Variants in CDH13 observed in about 807,000 individuals in gnomAD.
The protein encoded by CDH13 is cadherin-13.
In CDH13, 24 loss-of-function variants were observed where a neutral mutation model predicts 63.8. That is an observed-to-expected ratio of 0.38 (90% CI 0.27 to 0.53). CDH13 has a LOEUF of 0.53. Among genes scored for constraint, CDH13 ranks in the 20% least tolerant of loss-of-function variants. CDH13 has a pLI of 0.85. For synonymous variants in CDH13, 503 were observed against 355.3 expected (o/e 1.42, Z -4.67); for missense variants, 1,049 against 903.1 (o/e 1.16, Z -2.07).
intron 1 of CDH13, among the ~76,000 whole-genome samples, chr16:82,630,344 C>A (rs1352653089): frequency 6.6e-6 from 1 of 151,918 alleles, no homozygotes. Flanking sequence ...TTTTTTTTAG[C>A]AAGTCCCAAA....
chr16:83,706,197 T>C lies in CDH13; in HGVS notation c.1538+27736T>C, dbSNP rs190158807. On this transcript the variant is annotated intron_variant, in intron 10 of 13. Transcript: ENST00000567109. The stretch of plus-strand genomic sequence containing the variant: ...TCAGCCAGAACATCTACTTGTGGCC[T>C]CTCCACGAGGCCTGGGCTCTCTCAC... 5.3e-5 allele frequency among the ~76,000 whole-genome samples: 8 copies of C among 152,264 alleles called. No individual in the cohort carries two copies. In the East Asian group the frequency reaches 1.5e-3, roughly 29 times the overall value.
At chr16:82,917,223 TGTGGAGCC>T (rs1294656110) in intron 2 of CDH13, among the ~76,000 whole-genome samples, 1 of 152,180 alleles carries the variant, frequency 6.6e-6, no homozygotes, top group African/African-American at 2.4e-5. Context: ...TAGCAGGTCC[TGTGGAGCC>T]GATGGGGCAG....
intron 2 of CDH13, among the ~76,000 whole-genome samples, chr16:82,982,248 A>AG (rs1423278913): frequency 1.3e-5 from 2 of 152,116 alleles, no homozygotes; most frequent in Admixed American, 6.5e-5. Context: ...TTATTTTATA[A>AG]ATAATACTTA....
At chr16:83,676,623 T>G (rs2150867839) in intron 9 of CDH13, among the ~76,000 whole-genome samples, 1 of 152,348 alleles carries the variant, frequency 6.6e-6, no homozygotes, top group South Asian at 2.1e-4. Flanking sequence ...GACACATCAC[T>G]GTGCAGCCAC....
chr16:83,683,512 G>T (rs181655449), intron 10 of CDH13, among the ~76,000 whole-genome samples: 3 of 152,058 alleles, frequency 2.0e-5, no homozygotes, highest in Non-Finnish European at 4.4e-5. Context: ...TTATTTCCCA[G>T]TATACGCTGA....
chr16:83,043,525 GTGTA>G (rs910423791), intron 3 of CDH13, among the ~76,000 whole-genome samples: 2 of 148,710 alleles, frequency 1.3e-5, no homozygotes, highest in Non-Finnish European at 3.0e-5. Context: ...GTGTGTGTGT[GTGTA>G]TGTATAACAG....
chr16:83,029,454 A>G (rs1597174912), intron 2 of CDH13, among the ~76,000 whole-genome samples: 1 of 152,332 alleles, frequency 6.6e-6, no homozygotes, highest in East Asian at 1.9e-4. Context: ...ATACAGCCAC[A>G]TAATGGAATA....
rs558697081 is a variant in CDH13 at position 82,716,894 on chromosome 16, C to T, written c.45+89757C>T. On this transcript the variant is annotated intron_variant, in intron 1 of 13. Transcript: ENST00000567109. ...TACACGGGTCCGTCGTAAGATGCACCTCTAGGGCTCATTCCTTCTTCAAGT... is the reference window on the plus strand; with the variant it reads ...TACACGGGTCCGTCGTAAGATGCACTTCTAGGGCTCATTCCTTCTTCAAGT... 2.0e-5 allele frequency among the ~76,000 whole-genome samples: 3 copies of T among 151,968 alleles called. 1 individual carries two copies. The highest frequency in any genetic ancestry group is 4.2e-4 in the South Asian group (2 of 4,792).
At chr16:83,745,521 G>A (rs919506843) in intron 10 of CDH13, among the ~76,000 whole-genome samples, 1 of 152,186 alleles carries the variant, frequency 6.6e-6, no homozygotes, top group African/African-American at 2.4e-5. Context: ...CTGGATGGTG[G>A]CCAGGCGAGG....
intron 7 of CDH13, among the ~76,000 whole-genome samples, chr16:83,508,914 A>G (rs1206424012): frequency 2.6e-5 from 4 of 152,190 alleles, no homozygotes; most frequent in African/African-American, 9.7e-5. Flanking sequence ...ATCTGTTTGT[A>G]CTTTCTCATG....
intron 11 of CDH13, among the ~76,000 whole-genome samples, chr16:83,752,216 T>C (rs1913146902): frequency 6.6e-6 from 1 of 152,242 alleles, no homozygotes; most frequent in South Asian, 2.1e-4. Context: ...GTAGCATGGC[T>C]GGCATTTCTT....
intron 2 of CDH13, among the ~76,000 whole-genome samples, chr16:82,984,640 G>A (rs141727450): frequency 6.6e-6 from 1 of 152,134 alleles, no homozygotes. Flanking sequence ...TCTGAAGAAG[G>A]TTCAGCTATG....
At chr16:82,910,231 A>C (rs2041786206) in intron 2 of CDH13, among the ~76,000 whole-genome samples, 2 of 152,210 alleles carry the variant, frequency 1.3e-5, no homozygotes, top group South Asian at 4.1e-4. Flanking sequence ...GACATCATGC[A>C]GACTTTGGAA....
intron 5 of CDH13, among the ~76,000 whole-genome samples, chr16:83,308,697 C>T (rs1016687875): frequency 2.6e-5 from 4 of 152,174 alleles, no homozygotes; most frequent in African/African-American, 9.7e-5. Context: ...AAAAAGGAAG[C>T]CCTTGCTTCT....
At chr16:83,000,336 C>T (rs1445014393) in intron 2 of CDH13, among the ~76,000 whole-genome samples, 3 of 143,420 alleles carry the variant, frequency 2.1e-5, no homozygotes, top group Admixed American at 1.4e-4. Flanking sequence ...GCAACCTCCA[C>T]CTCCCAGGTT....
Position 83,563,903 on chromosome 16 carries a change from G to A in CDH13, c.961-38551G>A, listed in dbSNP as rs553263664. Among the ~76,000 whole-genome samples the A allele has an allele frequency of 1.1e-3, 167 of 152,230 alleles. 1 individual carries two copies. Among genetic ancestry groups the A allele is most frequent in the African/African-American group, 3.9e-3 (164 of 41,520 alleles). On this transcript the variant is annotated intron_variant, in intron 7 of 13. Coordinates refer to ENST00000567109, the MANE Select transcript of CDH13 (RefSeq NM_001257.5). ...TTTGTTTATTCCGTGAAGTTACTGT[G>A]AGTGCACATCCTGGAATCTGAGAGA...
chr16:83,633,714 G>A (rs924559492), intron 8 of CDH13, among the ~76,000 whole-genome samples: 1 of 152,088 alleles, frequency 6.6e-6, no homozygotes, highest in African/African-American at 2.4e-5. Flanking sequence ...TCTCGTTTTT[G>A]TTTCCAAAAT....
chr16:83,717,553 G>A (rs1209158608), intron 10 of CDH13, among the ~76,000 whole-genome samples: 1 of 152,250 alleles, frequency 6.6e-6, no homozygotes, highest in Admixed American at 6.5e-5. Flanking sequence ...ACATGAAATG[G>A]GCACCTACTA....
intron 7 of CDH13, among the ~76,000 whole-genome samples, chr16:83,487,138 C>T (rs1054059776): frequency 2.0e-5 from 3 of 152,190 alleles, no homozygotes; most frequent in African/African-American, 7.2e-5. Context: ...TCCTCCATCT[C>T]TGTTCTCATC....
Sources: allele counts gnomAD v4.1 joint callset (sites outside exome capture counted in the v4.1 genomes callset), GRCh38; gene constraint gnomAD v4.1.1; transcripts MANE v1.5; gene names NCBI Gene and HGNC (gene_info 2026-07-23, HGNC 2026-07-21).